The following CDH12 variants were observed in gnomAD, a reference collection of about 807,000 sequenced individuals.
The protein encoded by CDH12 is cadherin 12, also known as cadherin-12.
CDH12 carries 41 observed loss-of-function variants against 74.1 expected under a neutral mutation model. The observed-to-expected ratio is 0.55, with a 90% CI of 0.43 to 0.72. The LOEUF (loss-of-function observed/expected upper bound fraction) is 0.72, where lower values mean the gene tolerates loss of function less well. Among genes scored for constraint, CDH12 ranks in the 30% least tolerant of loss-of-function variants. The pLI, the probability that CDH12 is intolerant of heterozygous loss-of-function variation, is 0.00. For synonymous variants in CDH12, 399 were observed against 355.0 expected (o/e 1.12, Z -1.39); for missense variants, 945 against 977.2 (o/e 0.97, Z 0.44).
chr5:21,852,673 C>G (rs1232104888), intron 7 of CDH12, among the ~76,000 whole-genome samples: 2 of 151,400 alleles, frequency 1.3e-5, no homozygotes, highest in African/African-American at 2.4e-5. Context: ...AGAATACTCA[C>G]TCTTATTCTG....
chr5:22,531,558 C>A (rs1737583422), intron 1 of CDH12, among the ~76,000 whole-genome samples: 1 of 152,068 alleles, frequency 6.6e-6, no homozygotes, highest in Non-Finnish European at 1.5e-5. Context: ...GAGGGAAGGG[C>A]TATCTCCTTA....
chr5:22,063,406 T>A lies in CDH12; in HGVS notation c.231+15040A>T, dbSNP rs5029185. On this transcript the variant is annotated intron_variant, in intron 5 of 14. Coordinates refer to ENST00000382254, the MANE Select transcript of CDH12 (RefSeq NM_004061.5). ...TCTTCCATCACACAGACCCTATAAA[T>A]ACACAATAATGAATCAATTTGATCA... 8.6e-3 allele frequency among the ~76,000 whole-genome samples: 1,310 copies of A among 152,236 alleles called. 16 individuals carry two copies. The highest frequency in any genetic ancestry group is 0.03 in the African/African-American group (1,246 of 41,550).
intron 5 of CDH12, among the ~76,000 whole-genome samples, chr5:22,022,132 A>T (rs556494813): frequency 6.6e-6 from 1 of 152,290 alleles, no homozygotes; most frequent in East Asian, 1.9e-4. Flanking sequence ...CCACTCAGCC[A>T]GCCCCACTAT....
At position 22,026,699 on chromosome 5, in the gene CDH12, T is replaced by C. The variant is rs547754393; in HGVS notation, c.232-51314A>G. 4.6e-5 allele frequency among the ~76,000 whole-genome samples: 7 copies of C among 152,268 alleles called. No homozygotes were observed. The East Asian group carries it at 7.7e-4, about 17-fold the overall frequency. ...CATGCTTTCATTATACTTATCCATA[T>C]AGTGTGTGAGCCCTGACAACACTGG... On this transcript the variant is annotated intron_variant, in intron 5 of 14. Coordinates refer to ENST00000382254, the MANE Select transcript of CDH12 (RefSeq NM_004061.5).
chr5:22,134,302 G>A (rs538862762), intron 4 of CDH12, among the ~76,000 whole-genome samples: 1 of 152,190 alleles, frequency 6.6e-6, no homozygotes, highest in African/African-American at 2.4e-5. Context: ...TGGGCTATTA[G>A]CTTGTGGTAA....
At chr5:22,665,069 C>T (rs952841626) in intron 1 of CDH12, among the ~76,000 whole-genome samples, 1 of 152,096 alleles carries the variant, frequency 6.6e-6, no homozygotes, top group African/African-American at 2.4e-5. Flanking sequence ...ATCCTCCCTC[C>T]TCAGCCTCTT....
intron 1 of CDH12, among the ~76,000 whole-genome samples, chr5:22,607,426 C>A (rs537395949): frequency 6.6e-6 from 1 of 152,220 alleles, no homozygotes; most frequent in East Asian, 1.9e-4. Flanking sequence ...AGAATCATGG[C>A]AAGAGGCAAA....
In CDH12 at chr5:22,182,890, C is replaced by T. The variant is rs558642306; in HGVS notation, c.-187+29608G>A. Among the ~76,000 whole-genome samples the T allele has an allele frequency of 7.2e-5, 11 of 151,782 alleles. No individual in the cohort carries two copies. In the East Asian group the frequency reaches 1.6e-3, roughly 21 times the overall value. On this transcript the variant is annotated intron_variant, in intron 4 of 14. Transcript: ENST00000382254. ...GCTTATAGTGCCAATAAGAAGATAGCGATGAAGCATTTTATGGTGAATTCT... is the reference window on the plus strand; with the variant it reads ...GCTTATAGTGCCAATAAGAAGATAGTGATGAAGCATTTTATGGTGAATTCT...
intron 4 of CDH12, among the ~76,000 whole-genome samples, chr5:22,109,836 A>C (rs2150259103): frequency 6.6e-6 from 1 of 152,314 alleles, no homozygotes; most frequent in Admixed American, 6.5e-5. Flanking sequence ...AAGACAGATT[A>C]GCAGGAAAAA....
intron 2 of CDH12, among the ~76,000 whole-genome samples, chr5:22,417,039 C>A (rs907083993): frequency 1.3e-5 from 2 of 152,176 alleles, no homozygotes; most frequent in Non-Finnish European, 2.9e-5. Context: ...ATTATTTAGG[C>A]TCCAGAGAGC....
chr5:22,098,132 C>T (rs935151830), intron 4 of CDH12, among the ~76,000 whole-genome samples: 2 of 152,186 alleles, frequency 1.3e-5, no homozygotes, highest in Admixed American at 1.3e-4. Context: ...ATCCCAGCCT[C>T]TCTTTGCTTT....
chr5:22,612,227 A>C (rs1737440794), intron 1 of CDH12, among the ~76,000 whole-genome samples: 2 of 152,070 alleles, frequency 1.3e-5, no homozygotes, highest in African/African-American at 4.8e-5. Context: ...AACCTCCATT[A>C]GTTTTCTTCA....
At chr5:21,820,556 G>A (rs1347754165) in intron 8 of CDH12, among the ~76,000 whole-genome samples, 1 of 151,954 alleles carries the variant, frequency 6.6e-6, no homozygotes, top group Non-Finnish European at 1.5e-5. Context: ...ATACATTTTA[G>A]TAAGGTGGAA....
At chr5:22,555,337 A>G (rs1738755745) in intron 1 of CDH12, among the ~76,000 whole-genome samples, 1 of 152,042 alleles carries the variant, frequency 6.6e-6, no homozygotes, top group Non-Finnish European at 1.5e-5. Context: ...AATACTTCCA[A>G]ACTGAATCTT....
At chr5:22,085,081 T>G (rs1424609763) in intron 4 of CDH12, among the ~76,000 whole-genome samples, 3 of 152,198 alleles carry the variant, frequency 2.0e-5, no homozygotes, top group African/African-American at 7.2e-5. Context: ...TTGTCTATGC[T>G]TCCTCATCTT....
In CDH12 at chr5:22,544,774, A is replaced by T. The variant is rs889068905; in HGVS notation, c.-522-39410T>A. Among the ~76,000 whole-genome samples, 3 of 151,786 alleles carry T rather than the reference A, an allele frequency of 2.0e-5. No homozygotes were observed. In the South Asian group the frequency reaches 6.3e-4, roughly 32 times the overall value. On this transcript the variant is annotated intron_variant, in intron 1 of 14. Transcript: ENST00000382254. ...ACAGATTGCAGTGAATTGATATTGC[A>T]CCACTGTACTCCAGCCTGGGTGACA...
At chr5:22,523,069 G>C (rs1737122561) in intron 1 of CDH12, among the ~76,000 whole-genome samples, 1 of 152,062 alleles carries the variant, frequency 6.6e-6, no homozygotes, top group Non-Finnish European at 1.5e-5. Flanking sequence ...ATCCCTCCTG[G>C]TTGGCCTTAG....
chr5:22,486,032 G>A (rs747823060), intron 2 of CDH12, among the ~76,000 whole-genome samples: 7 of 152,154 alleles, frequency 4.6e-5, no homozygotes. Flanking sequence ...AACGCAGCTG[G>A]AAAGCCTCAC....
At chr5:21,825,838 G>T (rs1028734217) in intron 8 of CDH12, among the ~76,000 whole-genome samples, 1 of 152,138 alleles carries the variant, frequency 6.6e-6, no homozygotes, top group Admixed American at 6.6e-5. Flanking sequence ...CTCCCACCTT[G>T]CAGCTCTCTC....
Sources: gnomAD v4.1 joint callset for allele counts (sites outside exome capture counted in the v4.1 genomes callset) on GRCh38, gnomAD v4.1.1 for gene constraint, MANE v1.5 for transcripts, NCBI Gene and HGNC (gene_info 2026-07-23, HGNC 2026-07-21) for gene names.